SLC3A2: variants seen among roughly 807,000 people sequenced by gnomAD.
SLC3A2 encodes the protein amino acid transporter heavy chain SLC3A2.
A neutral mutation model predicts 48.5 loss-of-function variants in SLC3A2; 32 were observed. That is an observed-to-expected ratio of 0.66 (90% confidence interval 0.50 to 0.89). The LOEUF (loss-of-function observed/expected upper bound fraction) is 0.89, where lower values mean the gene tolerates loss of function less well. SLC3A2 is among the 40% of genes least tolerant of loss of function. The probability of loss-of-function intolerance (pLI) is 0.00; values close to 1 mark genes in which losing one functional copy is unlikely to be tolerated. For missense variants in SLC3A2, 587 were observed against 680.7 expected, an observed-to-expected ratio of 0.86 and a Z score of 1.53; for synonymous variants, 277 against 288.8, an observed-to-expected ratio of 0.96 and a Z score of 0.41.
intron 1 of SLC3A2, among the ~76,000 whole-genome samples, chr11:62,859,340 G>A (rs1251878307): frequency 6.6e-6 from 1 of 152,174 alleles, no homozygotes; most frequent in Non-Finnish European, 1.5e-5. Flanking sequence ...GTTTCAGAGA[G>A]CACGGGGTTG....
rs1384745732 is a variant in SLC3A2 at position 62,868,353 on chromosome 11, G to C, written c.112+11972G>C. On this transcript the variant is annotated intron_variant, in intron 1 of 9. Transcript: ENST00000377889. ...AGCTAGGACTGTTGGTGGGTAAAAG[G>C]GTATTTTCATTCTTTTTTTTTTTTT... Among the ~76,000 whole-genome samples the C allele has an allele frequency of 2.0e-5, 3 of 151,330 alleles. No homozygotes were observed. In the East Asian group the frequency reaches 5.9e-4, roughly 30 times the overall value.
intron 3 of SLC3A2, chr11:62,883,855 G>A: frequency 2.5e-6 from 1 of 405,678 alleles, no homozygotes; most frequent in Non-Finnish European, 4.9e-6. Flanking sequence ...CACAGTGTGT[G>A]CAGGACTGCC....
upstream of SLC3A2, chr11:62,880,426 G>A (rs549357074): frequency 6.5e-6 from 1 of 152,688 alleles, no homozygotes; most frequent in African/African-American, 2.4e-5. Context: ...GAGAGGGCAA[G>A]CCTTGGTGGG....
At chr11:62,870,915 T>C (rs934573240) in intron 1 of SLC3A2, 1 of 174,670 alleles carries the variant, frequency 5.7e-6, no homozygotes. Context: ...TCTTGCTCTG[T>C]TGCCCAGGCT....
At position 62,864,307 on chromosome 11, in the gene SLC3A2, G is replaced by GTT. The variant is rs35455481; in HGVS notation, c.112+7939_112+7940dup. Among the ~76,000 whole-genome samples the GTT allele has an allele frequency of 8.3e-5, 12 of 144,832 alleles. 2 individuals are homozygous for GTT. Among genetic ancestry groups the GTT allele is most frequent in the African/African-American group, 2.8e-4 (11 of 39,492 alleles). ...GTATATCAATCCTGTTAAATACTTG[G>GTT]TTTTTTTTTTTTTTGAGATGGAATG... On this transcript the variant is annotated intron_variant, in intron 1 of 9. Coordinates refer to the SLC3A2 transcript ENST00000377889.
At chr11:62,870,655 G>A (rs1445663384) in intron 1 of SLC3A2, 3 of 150,872 alleles carry the variant, frequency 2.0e-5, no homozygotes, top group Non-Finnish European at 4.4e-5. Context: ...TTTCTGTTCC[G>A]TTGGACACTT....
At chr11:62,865,601 A>G (rs1451502829) in intron 1 of SLC3A2, among the ~76,000 whole-genome samples, 2 of 148,444 alleles carry the variant, frequency 1.3e-5, no homozygotes, top group Non-Finnish European at 3.0e-5. Flanking sequence ...TAGATCCAGG[A>G]GCTGAATCAA....
intron 1 of SLC3A2, among the ~76,000 whole-genome samples, chr11:62,864,227 A>G (rs1210043966): frequency 2.0e-5 from 3 of 152,018 alleles, no homozygotes; most frequent in African/African-American, 4.8e-5. Flanking sequence ...CTGTCCCACT[A>G]TGATAGGTCT....
intron 1 of SLC3A2, among the ~76,000 whole-genome samples, chr11:62,875,538 A>T (rs2085562791): frequency 6.6e-6 from 1 of 152,144 alleles, no homozygotes; most frequent in Non-Finnish European, 1.5e-5. Flanking sequence ...TTCATCTCAA[A>T]AAAAAAAGTC....
intron 1 of SLC3A2, among the ~76,000 whole-genome samples, chr11:62,862,566 T>TCC (rs1227595478): frequency 2.0e-5 from 3 of 151,752 alleles, no homozygotes; most frequent in African/African-American, 7.3e-5. Context: ...CACAGTCAAC[T>TCC]CCCTGGGGTT....
chr11:62,864,070 C>T (rs1486206436), intron 1 of SLC3A2, among the ~76,000 whole-genome samples: 1 of 152,132 alleles, frequency 6.6e-6, no homozygotes, highest in African/African-American at 2.4e-5. Flanking sequence ...AGATATATTT[C>T]TAAGTCTGGA....
rs1034634062 is a variant in SLC3A2 at position 62,862,291 on chromosome 11, G to A, written c.112+5910G>A. On this transcript the variant is annotated intron_variant, in intron 1 of 9. Transcript: ENST00000377889. ...CATCGCAACGATGAGCTGAGATCAC[G>A]CCATTGCACTCCAGCCTGGGCGACA... is the stretch of plus-strand genomic sequence containing the variant. Among the ~76,000 whole-genome samples, 9 of 117,236 alleles carry A rather than the reference G, an allele frequency of 7.7e-5. No homozygotes were observed. The Admixed American group carries it at 8.7e-4, about 11-fold the overall frequency. The allele number at this position is 117,236 out of a possible 152,430, so 76.9% of individuals were successfully genotyped here. A position where few individuals can be genotyped will look rare whatever the true frequency, so the allele number is the denominator to read the frequency against.
chr11:62,868,563 C>T (rs2085477680), intron 1 of SLC3A2, among the ~76,000 whole-genome samples: 1 of 151,886 alleles, frequency 6.6e-6, no homozygotes, highest in Admixed American at 6.6e-5. Context: ...GACGGGGTTT[C>T]ACCATGTTAG....
At position 62,885,200 on chromosome 11, in the gene SLC3A2, C is replaced by T. The variant is rs1245147184; in HGVS notation, c.842C>T (p.Ser281Phe). 2 of 1,614,142 alleles carry T rather than the reference C, an allele frequency of 1.2e-6. No homozygotes were observed. The highest frequency in any genetic ancestry group is 1.1e-5 in the South Asian group (1 of 91,088). Reference protein sequence around the residue: ...EDRLLIAGTNSSDLQQILSLL... With the variant: ...EDRLLIAGTNFSDLQQILSLL... ...AGGCTCTTGATTGCGGGGACTAACT[C>T]CTCCGACCTTCAGCAGATCCTGAGC... Residue 281 changes from serine to phenylalanine, a missense_variant, in exon 6 of 9, where the codon TCC (serine) becomes TTC (phenylalanine). Physicochemically the swap from Ser to Phe is radical, Grantham distance 155. This residue lies in a region of SLC3A2 where 409 missense variants were observed against 446.7 expected (regional missense o/e 0.92). Coordinates refer to ENST00000338663, the MANE Select transcript of SLC3A2 (RefSeq NM_001013251.3).
intron 7 of SLC3A2, 164 bp from the exon 8 acceptor site, chr11:62,887,971 T>G (rs1590639857): frequency 1.7e-6 from 1 of 596,834 alleles, no homozygotes. Context: ...TTTTAAAAAT[T>G]TTGTAGTAGA....
Position 62,885,304 on chromosome 11 carries a change from T to C in SLC3A2, c.946T>C (p.Ser316Pro), listed in dbSNP as rs199971977. The C allele has an allele frequency of 6.2e-7, 1 of 1,614,108 alleles. No homozygotes were observed. Among genetic ancestry groups the C allele is most frequent in the Non-Finnish European group, 8.5e-7 (1 of 1,180,014 alleles). ...TGGTTCTACTGGGGAGCATACAAAA[T>C]CCCTAGTCACACAGTATTTGAATGC... ...DSGSTGEHTK[S>P]LVTQYLNATG... is the part of the protein sequence containing the mutation. The change falls in exon 6 of 9, where the codon TCC becomes CCC. Residue 316 changes from serine (S) to proline (P), a missense_variant. Transcript: ENST00000338663.
chr11:62,872,693 C>T (rs1590626017), intron 1 of SLC3A2, among the ~76,000 whole-genome samples: 1 of 152,220 alleles, frequency 6.6e-6, no homozygotes, highest in Non-Finnish European at 1.5e-5. Flanking sequence ...ACCTCTGCCT[C>T]CCCGGTTCAA....
At chr11:62,860,275 G>A (rs1488827004) in intron 1 of SLC3A2, among the ~76,000 whole-genome samples, 1 of 152,110 alleles carries the variant, frequency 6.6e-6, no homozygotes, top group Non-Finnish European at 1.5e-5. Context: ...GCTGAGGTGG[G>A]TGGATCACGA....
At position 62,888,637 on chromosome 11, in the gene SLC3A2, C is replaced by T. The variant is rs537183284; in HGVS notation, c.1534C>T (p.Arg512Cys). The change falls in exon 9 of 9, where the codon CGC becomes TGC. Residue 512 changes from arginine to cysteine, a missense_variant. Arg to Cys is a radical substitution (Grantham distance 180). This residue lies in a region of SLC3A2 where 169 missense variants were observed against 204.4 expected (regional missense o/e 0.83). Coordinates refer to ENST00000338663, the MANE Select transcript of SLC3A2 (RefSeq NM_001013251.3). ...REEGSPLELERLKLEPHEGLL... is the reference protein window; with the variant it reads ...REEGSPLELECLKLEPHEGLL... ...GGAGGGCTCCCCTCTTGAGCTGGAA[C>T]GCCTGAAACTGGAGCCTCACGAAGG... 28 of 1,607,220 alleles carry T rather than the reference C, an allele frequency of 1.7e-5. No homozygotes were observed. Among genetic ancestry groups the T allele is most frequent in the Middle Eastern group, 1.6e-4 (1 of 6,062 alleles).
Sources: allele counts gnomAD v4.1 joint callset (sites outside exome capture counted in the v4.1 genomes callset), GRCh38; gene constraint gnomAD v4.1.1; regional missense constraint gnomAD v4.1.1; transcripts MANE v1.5; gene names NCBI Gene and HGNC (gene_info 2026-07-23, HGNC 2026-07-21).